The following PIK3C2G variants were observed in gnomAD, a reference collection of about 807,000 sequenced individuals.
PIK3C2G encodes phosphatidylinositol 3-kinase C2 domain-containing subunit gamma.
A neutral mutation model predicts 181.1 loss-of-function variants in PIK3C2G; 168 were observed. The observed-to-expected ratio is 0.93, with a 90% CI of 0.82 to 1.05. The LOEUF (loss-of-function observed/expected upper bound fraction) is 1.05. PIK3C2G is among the 50% of genes least tolerant of loss of function. PIK3C2G has a pLI of 0.00. For synonymous variants in PIK3C2G, 573 were observed against 592.2 expected (o/e 0.97, Z 0.47); for missense variants, 1,869 against 1,732.8 (o/e 1.08, Z -1.40).
At chr12:18,332,018 A>G (rs1394455561) in intron 8 of PIK3C2G, among the ~76,000 whole-genome samples, 2 of 152,124 alleles carry the variant, frequency 1.3e-5, no homozygotes, top group Non-Finnish European at 2.9e-5. Context: ...TGTTTCATAT[A>G]TTTCTAACTT....
chr12:18,305,848 A>G (rs1950397743), intron 5 of PIK3C2G, among the ~76,000 whole-genome samples: 1 of 151,930 alleles, frequency 6.6e-6, no homozygotes, highest in Non-Finnish European at 1.5e-5. Context: ...AATTTCACAT[A>G]CCATACCCCC....
At chr12:18,641,217 T>C (rs1446308663) in intron 32 of PIK3C2G, among the ~76,000 whole-genome samples, 2 of 152,124 alleles carry the variant, frequency 1.3e-5, no homozygotes, top group African/African-American at 4.8e-5. Flanking sequence ...CTAAGCAAAT[T>C]TTCTTTCCCT....
chr12:18,284,548 A>C (rs1949361084), intron 2 of PIK3C2G, among the ~76,000 whole-genome samples: 1 of 152,202 alleles, frequency 6.6e-6, no homozygotes, highest in South Asian at 2.1e-4. Context: ...CCTCTGAGAT[A>C]ATCCAGATGT....
chr12:18,582,925 T>G (rs1449258351), intron 29 of PIK3C2G, among the ~76,000 whole-genome samples: 1 of 151,570 alleles, frequency 6.6e-6, no homozygotes, highest in Non-Finnish European at 1.5e-5. Context: ...TCCAAGCCTC[T>G]CTGGGATGAA....
At chr12:18,365,156 C>A (rs190563939) in intron 12 of PIK3C2G, among the ~76,000 whole-genome samples, 45 of 152,262 alleles carry the variant, frequency 3.0e-4, no homozygotes, top group Admixed American at 2.3e-3. Flanking sequence ...AGCATTTAGA[C>A]CCACTGTGAC....
chr12:18,351,352 T>C (rs930356807), intron 11 of PIK3C2G, among the ~76,000 whole-genome samples: 2 of 152,172 alleles, frequency 1.3e-5, no homozygotes, highest in African/African-American at 4.8e-5. Context: ...CACCATTTCC[T>C]CTATGCCATT....
At chr12:18,393,853 C>G (rs1169947962) in intron 15 of PIK3C2G, among the ~76,000 whole-genome samples, 2 of 152,114 alleles carry the variant, frequency 1.3e-5, no homozygotes, top group Admixed American at 6.6e-5. Context: ...GAATGCAGCT[C>G]CTGCTGAGAT....
the PIK3C2G span, among the ~76,000 whole-genome samples, chr12:18,687,832 AAAG>A: frequency 1.3e-5 from 2 of 152,134 alleles, no homozygotes. Flanking sequence ...AAAACATAAA[AAAG>A]AGGTAAATTT....
chr12:18,630,255 AGT>A (rs1949294639), intron 31 of PIK3C2G, among the ~76,000 whole-genome samples: 2 of 151,950 alleles, frequency 1.3e-5, no homozygotes, highest in African/African-American at 2.4e-5. Context: ...AGCCAGACAT[AGT>A]GACTCATGCC....
Position 18,314,079 on chromosome 12 carries a change from G to T in PIK3C2G, c.1137+15G>T. On this transcript the variant is annotated intron_variant, in intron 6 of 32. Transcript: ENST00000538779. ...TATCTCGAAAGGTAAGACTTTCTTA[G>T]CATTGGTTTCAATTGGCAAACTGAC... The T allele has an allele frequency of 7.2e-7, 1 of 1,380,750 alleles. No homozygotes were observed. The highest frequency in any genetic ancestry group is 1.0e-6 in the Non-Finnish European group (1 of 992,406). The allele number at this position is 1,380,750 out of a possible 1,614,324, so 85.5% of individuals were successfully genotyped here. A position where few individuals can be genotyped will look rare whatever the true frequency, so the allele number is the denominator to read the frequency against.
At chr12:18,424,803 C>T (rs4387405) in intron 18 of PIK3C2G, 86,922 of 208,780 alleles carry the variant, frequency 0.42, 18,468 homozygotes, top group East Asian at 0.66. Context: ...TCAGCCCAGG[C>T]TGGGTATATG....
At chr12:18,307,105 A>C (rs1276619425) in intron 5 of PIK3C2G, among the ~76,000 whole-genome samples, 2 of 149,512 alleles carry the variant, frequency 1.3e-5, no homozygotes, top group South Asian at 4.3e-4. Flanking sequence ...GACAAATTTG[A>C]GTACTTATCA....
intron 12 of PIK3C2G, among the ~76,000 whole-genome samples, chr12:18,365,630 T>C (rs796179111): frequency 9.2e-5 from 14 of 152,342 alleles, no homozygotes; most frequent in African/African-American, 3.4e-4. Flanking sequence ...TCTCCCAGAC[T>C]GATTATGATC....
Position 18,346,675 on chromosome 12 carries a change from A to C in PIK3C2G, c.1464A>C (p.Thr488=). ...AGAAGGTAACAACTGAACTATCCAC[A>C]TCCATCTACCAGCTAATCAATGTCT... ...LIEKVTTELS[T]SIYQLINVYC... The change falls in exon 11 of 33, where the codon ACA becomes ACC. Residue 488 remains threonine, a synonymous_variant. Transcript: ENST00000538779. 6.2e-7 allele frequency: 1 copy of C among 1,613,248 alleles called. No homozygotes were observed. Among genetic ancestry groups the C allele is most frequent in the Non-Finnish European group, 8.5e-7 (1 of 1,179,362 alleles).
rs184845039 is a variant in PIK3C2G at position 18,317,075 on chromosome 12, G to A, written c.1137+3011G>A. Among the ~76,000 whole-genome samples the A allele has an allele frequency of 3.8e-4, 57 of 148,068 alleles. 1 individual carries two copies. Among genetic ancestry groups the A allele is most frequent in the African/African-American group, 1.3e-3 (52 of 40,008 alleles). ...GTTGCCCAGGCTGGAGTGCAGTGGC[G>A]TGATCTTGGCTCACTGCAACCTCCG... On this transcript the variant is annotated intron_variant, in intron 6 of 32. Coordinates refer to ENST00000538779, the MANE Select transcript of PIK3C2G (RefSeq NM_001288772.2).
intron 5 of PIK3C2G, among the ~76,000 whole-genome samples, chr12:18,304,922 C>T (rs1950356668): frequency 6.6e-6 from 1 of 152,174 alleles, no homozygotes; most frequent in African/African-American, 2.4e-5. Context: ...TCTACTCCTC[C>T]ACTTATAAAA....
intron 16 of PIK3C2G, among the ~76,000 whole-genome samples, chr12:18,418,591 T>C (rs10841024): frequency 0.24 from 35,999 of 152,004 alleles, 4,510 homozygotes; most frequent in Admixed American, 0.35. Flanking sequence ...AATGTTAGTA[T>C]TAGCATGAGG....
rs377173582 is a variant in PIK3C2G, at chr12:18,423,939, C to T, written c.2410-6C>T. On this transcript the variant is annotated splice_region_variant and splice_polypyrimidine_tract_variant and intron_variant, in intron 17 of 32. Transcript: ENST00000538779. The stretch of plus-strand genomic sequence containing the variant: ...AGAAGTAAAGTAATTGTGTCTCTTA[C>T]TTCAGGCTGTCAAGTTTGAATGGAA... 5 of 1,589,506 alleles carry T rather than the reference C, an allele frequency of 3.1e-6. No homozygotes were observed. In the African/African-American group the frequency reaches 4.0e-5, roughly 13 times the overall value.
chr12:18,497,448 A>T (rs924531039), intron 21 of PIK3C2G, among the ~76,000 whole-genome samples, 171 bp from the exon 22 acceptor site: 5 of 152,186 alleles, frequency 3.3e-5, no homozygotes, highest in Admixed American at 6.5e-5. Flanking sequence ...TCATTTAAAA[A>T]TTTTTTTTAT....
Sources: allele counts gnomAD v4.1 joint callset (sites outside exome capture counted in the v4.1 genomes callset), GRCh38; gene constraint gnomAD v4.1.1; transcripts MANE v1.5; gene names NCBI Gene and HGNC (gene_info 2026-07-23, HGNC 2026-07-21).